The following NCEH1 variants were observed in gnomAD, a reference collection of about 807,000 sequenced individuals.
NCEH1 encodes the protein neutral cholesterol ester hydrolase 1.
In NCEH1, 9 loss-of-function variants were observed where a neutral mutation model predicts 25.4. That is an observed-to-expected ratio of 0.35 (90% CI 0.21 to 0.62). NCEH1 has a LOEUF of 0.62. Among genes scored for constraint, NCEH1 ranks in the 20% least tolerant of loss-of-function variants. NCEH1 has a pLI of 0.72. For synonymous variants in NCEH1, 200 were observed against 199.8 expected, an observed-to-expected ratio of 1.00 and a Z score of -0.01; for missense variants, 412 against 501.1, an observed-to-expected ratio of 0.82 and a Z score of 1.70.
intron 1 of NCEH1, among the ~76,000 whole-genome samples, chr3:172,699,193 G>A (rs1306142376): frequency 6.6e-6 from 1 of 152,114 alleles, no homozygotes; most frequent in Non-Finnish European, 1.5e-5. Context: ...GGTATTGAAC[G>A]ATGCGTGGGA....
Position 172,633,389 on chromosome 3 carries a change from G to T in NCEH1, c.*86C>A. On this transcript the variant is annotated 3_prime_UTR_variant, in exon 5 of 5. Transcript: ENST00000475381. ...CGCAAGTAGAGGGGAATGGGAGGAA[G>T]AATTAGTCAACTAAAAAGTGCATGT... The T allele has an allele frequency of 7.9e-7, 1 of 1,264,894 alleles. No individual in the cohort carries two copies. The highest frequency in any genetic ancestry group is 1.4e-5 in the South Asian group (1 of 70,034). 78.4% of individuals were successfully genotyped at this position (1,264,894 alleles called of 1,614,324 possible).
chr3:172,709,885 GAGA>G (rs1714205483), intron 1 of NCEH1, among the ~76,000 whole-genome samples: 2 of 152,134 alleles, frequency 1.3e-5, no homozygotes, highest in Admixed American at 6.5e-5. Flanking sequence ...CTTGGTTTTG[GAGA>G]AGGTTAGAGT....
rs1021446171 is a variant in NCEH1 at position 172,633,771 on chromosome 3, T to C, written c.931A>G (p.Arg311Gly). The change falls in exon 5 of 5, where the codon AGG becomes GGG. Residue 311 changes from arginine (R) to glycine (G), a missense_variant. Arg to Gly is a moderately radical substitution (Grantham distance 125). Around this residue, in one of 3 missense-constraint regions of NCEH1, gnomAD observed 210 missense variants for 258.2 expected, o/e 0.81. Transcript: ENST00000475381. ...KPVVQTTGNA[R>G]IVQELPQLLD... is the part of the protein sequence containing the mutation. ...AACTGAGGAAGCTCCTGGACAATCC[T>C]GGCATTGCCTGTGGTCTGTACAACA... 4 of 1,614,122 alleles carry C rather than the reference T, an allele frequency of 2.5e-6. No individual in the cohort carries two copies. Among genetic ancestry groups the C allele is most frequent in the Admixed American group, 3.3e-5 (2 of 59,998 alleles).
chr3:172,667,645 C>T (rs978253046), intron 1 of NCEH1, among the ~76,000 whole-genome samples: 11 of 152,176 alleles, frequency 7.2e-5, no homozygotes, highest in African/African-American at 2.7e-4. Context: ...TCTTTTCCTC[C>T]ACCCTAGGTC....
At chr3:172,679,351 A>T (rs1371742884) in intron 1 of NCEH1, among the ~76,000 whole-genome samples, 2 of 152,240 alleles carry the variant, frequency 1.3e-5, no homozygotes, top group Non-Finnish European at 2.9e-5. Context: ...GTCTTTGAAT[A>T]AATTTTGCTT....
rs1220852669 is a variant in NCEH1, at chr3:172,630,417, G to A, written c.*3058C>T. The A allele has an allele frequency of 6.6e-6, 1 of 152,156 alleles. No individual in the cohort carries two copies. The highest frequency in any genetic ancestry group is 1.5e-5 in the Non-Finnish European group (1 of 68,048). 9.4% of individuals were successfully genotyped at this position (152,156 alleles called of 1,614,324 possible). ...CCAAAATAGTCCCAGGGCCTGCCTGGCTTTTATGAATATTCTAGCCAGTCC... is the reference window on the plus strand; with the variant it reads ...CCAAAATAGTCCCAGGGCCTGCCTGACTTTTATGAATATTCTAGCCAGTCC... On this transcript the variant is annotated 3_prime_UTR_variant, in exon 5 of 5. Coordinates refer to ENST00000475381, the MANE Select transcript of NCEH1 (RefSeq NM_020792.6).
At chr3:172,658,500 C>G (rs563490307) in intron 1 of NCEH1, among the ~76,000 whole-genome samples, 6 of 152,170 alleles carry the variant, frequency 3.9e-5, no homozygotes, top group Non-Finnish European at 1.5e-5. Flanking sequence ...CTACACATAG[C>G]AAAGTATTGG....
chr3:172,653,750 TTG>T (rs1358719555), intron 1 of NCEH1, among the ~76,000 whole-genome samples: 15 of 70,120 alleles, frequency 2.1e-4, no homozygotes, highest in East Asian at 1.1e-3. Context: ...TTTTGTTTTT[TTG>T]TTTTTTTGTT....
In NCEH1 at chr3:172,638,982, T is replaced by C. The variant is rs546094646; in HGVS notation, c.438-2895A>G. Among the ~76,000 whole-genome samples the C allele has an allele frequency of 8.5e-5, 13 of 152,254 alleles. No homozygotes were observed. In the East Asian group the frequency reaches 2.1e-3, roughly 25 times the overall value. ...TTCATGCTGGAAACATTCTTCAGTTTTACTCAATAAAAATGGACACTTTTG... is the reference window on the plus strand; with the variant it reads ...TTCATGCTGGAAACATTCTTCAGTTCTACTCAATAAAAATGGACACTTTTG... On this transcript the variant is annotated intron_variant, in intron 3 of 4. Transcript: ENST00000475381.
At chr3:172,685,450 A>T (rs765651198) in intron 1 of NCEH1, among the ~76,000 whole-genome samples, 2 of 152,242 alleles carry the variant, frequency 1.3e-5, no homozygotes, top group South Asian at 4.1e-4. Flanking sequence ...ATGAAGTCGT[A>T]TAATTTTAAA....
At chr3:172,667,556 G>A (rs1718279107) in intron 1 of NCEH1, among the ~76,000 whole-genome samples, 1 of 152,196 alleles carries the variant, frequency 6.6e-6, no homozygotes, top group South Asian at 2.1e-4. Context: ...GGAGGACCAT[G>A]TCTTCAACCA....
intron 1 of NCEH1, among the ~76,000 whole-genome samples, chr3:172,706,674 A>AT (rs1356026395): frequency 6.6e-6 from 1 of 151,216 alleles, no homozygotes; most frequent in African/African-American, 2.4e-5. Context: ...AATTTTTTGT[A>AT]TTTTTTAGTA....
At chr3:172,670,552 A>G (rs571476679) in intron 1 of NCEH1, among the ~76,000 whole-genome samples, 3 of 152,356 alleles carry the variant, frequency 2.0e-5, no homozygotes, top group Admixed American at 1.3e-4. Flanking sequence ...AGCAGAGCAG[A>G]GCTTAAAGCA....
chr3:172,648,832 G>A (rs760205314), intron 1 of NCEH1, among the ~76,000 whole-genome samples: 5 of 152,078 alleles, frequency 3.3e-5, no homozygotes, highest in Non-Finnish European at 7.3e-5. Context: ...TTAAGTGTTC[G>A]CAGAAAGTTA....
chr3:172,659,220 G>A (rs1717851301), intron 1 of NCEH1, among the ~76,000 whole-genome samples: 1 of 152,144 alleles, frequency 6.6e-6, no homozygotes, highest in Non-Finnish European at 1.5e-5. Flanking sequence ...TTGGAAGGCT[G>A]GGAGGTTTTG....
At chr3:172,676,455 G>A (rs1712003273) in intron 1 of NCEH1, among the ~76,000 whole-genome samples, 1 of 152,098 alleles carries the variant, frequency 6.6e-6, no homozygotes, top group South Asian at 2.1e-4. Flanking sequence ...AGCTAAGGTG[G>A]GAAATTTCGC....
intron 1 of NCEH1, among the ~76,000 whole-genome samples, chr3:172,697,606 T>TC (rs1196479542): frequency 6.6e-6 from 1 of 152,198 alleles, no homozygotes; most frequent in East Asian, 1.9e-4. Flanking sequence ...ATACACTTTT[T>TC]CCCAATGTGA....
At chr3:172,655,308 G>T (rs1717638709) in intron 1 of NCEH1, among the ~76,000 whole-genome samples, 1 of 152,212 alleles carries the variant, frequency 6.6e-6, no homozygotes, top group Admixed American at 6.5e-5. Context: ...CACCTAAGGA[G>T]ATGGAAGGGG....
At chr3:172,689,206 A>G (rs978321032) in intron 1 of NCEH1, among the ~76,000 whole-genome samples, 2 of 151,784 alleles carry the variant, frequency 1.3e-5, no homozygotes, top group Admixed American at 6.6e-5. Context: ...CTATAAAGCA[A>G]TAAGACCGAT....
Sources: allele counts gnomAD v4.1 joint callset (sites outside exome capture counted in the v4.1 genomes callset), GRCh38; gene constraint gnomAD v4.1.1; regional missense constraint gnomAD v4.1.1; transcripts MANE v1.5; gene names NCBI Gene and HGNC (gene_info 2026-07-23, HGNC 2026-07-21).